Variants in CR1 observed in about 807,000 individuals in gnomAD.
The protein encoded by CR1 is complement C3b/C4b receptor 1 (Knops blood group).
CR1 carries 116 observed loss-of-function variants against 187.3 expected under a neutral mutation model. That is an observed-to-expected ratio of 0.62 (90% CI 0.53 to 0.72). The LOEUF is 0.72. Ranked by LOEUF, CR1 falls within the 30% of genes least tolerant of loss-of-function variation. The pLI is 0.00. For synonymous variants in CR1, 576 were observed against 747.1 expected (o/e 0.77, Z 3.73); for missense variants, 1,731 against 2,110.7 (o/e 0.82, Z 3.52).
chr1:207,619,596 G>A (rs887195543), intron 42 of CR1, among the ~76,000 whole-genome samples: 3 of 152,126 alleles, frequency 2.0e-5, no homozygotes, highest in Non-Finnish European at 2.9e-5. Context: ...CTAGATCACC[G>A]TTAGCCTAAT....
At chr1:207,509,666 T>G (rs565033448) in intron 3 of CR1, among the ~76,000 whole-genome samples, 4 of 152,200 alleles carry the variant, frequency 2.6e-5, no homozygotes, top group Non-Finnish European at 5.9e-5. Context: ...TTGAACTTGC[T>G]TCACCATTCC....
intron 32 of CR1, among the ~76,000 whole-genome samples, chr1:207,582,637 G>T (rs1198883538): frequency 1.3e-5 from 2 of 152,192 alleles, no homozygotes; most frequent in Non-Finnish European, 2.9e-5. Flanking sequence ...GTAGCTGAGG[G>T]TTCAAAATGG....
intron 33 of CR1, 107 bp downstream of exon 33, chr1:207,584,983 C>A: frequency 6.6e-7 from 1 of 1,508,400 alleles, no homozygotes. Context: ...TTAACTTTGT[C>A]ATAAGTGTAA....
In CR1 at chr1:207,505,976, T is replaced by A. The variant is rs1318015787; in HGVS notation, c.194T>A (p.Ile65Asn). Reference sequence around the variant, plus strand: ...CTAACTGATGAATTTGAGTTTCCCATTGGGACATATCTGAACTATGAATGC... The same window carrying A: ...CTAACTGATGAATTTGAGTTTCCCAATGGGACATATCTGAACTATGAATGC... Reference protein sequence around the residue: ...TNLTDEFEFPIGTYLNYECRP... With the variant: ...TNLTDEFEFPNGTYLNYECRP... The change falls in exon 2 of 47, where the codon ATT (isoleucine) becomes AAT (asparagine). Residue 65 changes from isoleucine to asparagine, a missense_variant. Transcript: ENST00000367049. 1 of 1,613,986 alleles carries A rather than the reference T, an allele frequency of 6.2e-7. No individual in the cohort carries two copies. The highest frequency in any genetic ancestry group is 8.5e-7 in the Non-Finnish European group (1 of 1,179,870).
chr1:207,514,521 A>T (rs1372859000), intron 4 of CR1, among the ~76,000 whole-genome samples: 1 of 152,152 alleles, frequency 6.6e-6, no homozygotes, highest in Non-Finnish European at 1.5e-5. Flanking sequence ...TGGCCCTCCC[A>T]CCATGGGAGG....
rs143249640 is a variant in CR1, at chr1:207,629,903, G to A, written c.7353-614G>A. Among the ~76,000 whole-genome samples, 624 of 152,266 alleles carry A rather than the reference G, an allele frequency of 4.1e-3. 5 individuals are homozygous for A. The highest frequency in any genetic ancestry group is 0.014 in the African/African-American group (597 of 41,560). On this transcript the variant is annotated intron_variant, in intron 45 of 46. Transcript: ENST00000367049. ...ATTTCATTTTCCTTGCCTGTGAAAT[G>A]GAGATAATAATAGTTCCTACCTTAC...
At chr1:207,599,929 G>T (rs559983075) in intron 35 of CR1, among the ~76,000 whole-genome samples, 1 of 152,290 alleles carries the variant, frequency 6.6e-6, no homozygotes, top group African/African-American at 2.4e-5. Flanking sequence ...TGCAACTTAA[G>T]CATATAACTA....
At chr1:207,564,837 G>A (rs1264074043) in intron 23 of CR1, among the ~76,000 whole-genome samples, 1 of 150,072 alleles carries the variant, frequency 6.7e-6, no homozygotes, top group Non-Finnish European at 1.5e-5. Flanking sequence ...AAGGGAATAT[G>A]AGTAATTTAG....
chr1:207,618,041 T>C (rs780338387), intron 41 of CR1, 30 bp from the exon 42 acceptor site: 1 of 1,602,870 alleles, frequency 6.2e-7, no homozygotes, highest in Admixed American at 1.7e-5. Flanking sequence ...GAGTGTCTTT[T>C]CTTGTGTTTG....
At chr1:207,624,666 C>G (rs1480489922) in intron 45 of CR1, among the ~76,000 whole-genome samples, 1 of 152,100 alleles carries the variant, frequency 6.6e-6, no homozygotes, top group Non-Finnish European at 1.5e-5. Flanking sequence ...AACTAATGTT[C>G]TCTATATTTT....
At position 207,619,900 on chromosome 1, in the gene CR1, C is replaced by A; in HGVS notation, c.7087C>A (p.Leu2363Met). ...TTCAGAAGTAAATTGTAGCTTCCCA[C>A]TGTTTATGAATGGAATCTCGAAGGA... is the stretch of plus-strand genomic sequence containing the variant. ...YCKEVNCSFP[L>M]FMNGISKELE... is the part of the protein sequence containing the mutation. The change falls in exon 43 of 47, where the codon CTG becomes ATG. Residue 2363 changes from leucine (L) to methionine (M), a missense_variant. Physicochemically the swap from Leu to Met is conservative, Grantham distance 15 (BLOSUM62 2). Around this residue, in one of 5 missense-constraint regions of CR1, gnomAD observed 1,312 missense variants for 1,379.6 expected, o/e 0.95. Transcript: ENST00000367049. 4 of 1,591,108 alleles carry A rather than the reference C, an allele frequency of 2.5e-6. No homozygotes were observed. The Admixed American group carries it at 7.1e-5, about 28-fold the overall frequency.
chr1:207,621,127 T>A (rs1662302937), intron 43 of CR1, among the ~76,000 whole-genome samples: 1 of 151,946 alleles, frequency 6.6e-6, no homozygotes, highest in African/African-American at 2.4e-5. Context: ...ATAAAAAAAT[T>A]AGCTGGTCGT....
chr1:207,505,950 C>T lies in CR1; in HGVS notation c.168C>T (p.Asn56=). 1 of 1,613,978 alleles carries T rather than the reference C, an allele frequency of 6.2e-7. No individual in the cohort carries two copies. Among genetic ancestry groups the T allele is most frequent in the Non-Finnish European group, 8.5e-7 (1 of 1,179,864 alleles). ...GGCTTCCATTTGCCAGGCCTACCAACCTAACTGATGAATTTGAGTTTCCCA... is the reference window on the plus strand; with the variant it reads ...GGCTTCCATTTGCCAGGCCTACCAATCTAACTGATGAATTTGAGTTTCCCA... The part of the protein sequence containing the change: ...PEWLPFARPT[N]LTDEFEFPIG... Residue 56 remains asparagine (N), a synonymous_variant, in exon 2 of 47, where the codon AAC becomes AAT. Transcript: ENST00000367049.
At chr1:207,526,092 C>G (rs1285900733) in intron 5 of CR1, among the ~76,000 whole-genome samples, 1 of 152,094 alleles carries the variant, frequency 6.6e-6, no homozygotes, top group African/African-American at 2.4e-5. Flanking sequence ...AATATACACT[C>G]TCATCATGGT....
rs1267206725 is a variant in CR1 at position 207,617,501 on chromosome 1, A to G, written c.6890-570A>G. ...ACTTAAAGTATATATATATATATATATATATATGTGTGTGTGTGTGTGTGT... is the reference window on the plus strand; with the variant it reads ...ACTTAAAGTATATATATATATATATGTATATATGTGTGTGTGTGTGTGTGT... On this transcript the variant is annotated intron_variant, in intron 41 of 46. Transcript: ENST00000367049. Among the ~76,000 whole-genome samples the G allele has an allele frequency of 1.0e-3, 58 of 56,442 alleles. 3 individuals are homozygous for G. Among genetic ancestry groups the G allele is most frequent in the Non-Finnish European group, 1.7e-3 (46 of 27,004 alleles). The allele number at this position is 56,442 out of a possible 152,430, so 37.0% of individuals were successfully genotyped here. A position where few individuals can be genotyped will look rare whatever the true frequency, so the allele number is the denominator to read the frequency against.
Position 207,620,076 on chromosome 1 carries a change from G to A in CR1, c.7252+11G>A, listed in dbSNP as rs760482543. On this transcript the variant is annotated intron_variant, in intron 43 of 46. Coordinates refer to ENST00000367049, the MANE Select transcript of CR1 (RefSeq NM_000651.6). The stretch of plus-strand genomic sequence containing the variant: ...CCAAATGTACCTCTCGTAAGTGCAA[G>A]TGCAAGGAATGTGGGATCTTCCCGG... The A allele has an allele frequency of 1.9e-6, 3 of 1,602,698 alleles. No homozygotes were observed. Among genetic ancestry groups the A allele is most frequent in the South Asian group, 2.3e-5 (2 of 88,534 alleles).
Position 207,496,471 on chromosome 1 carries a change from C to G in CR1, c.121+83C>G, listed in dbSNP as rs1038085134. 3.1e-5 allele frequency: 41 copies of G among 1,328,478 alleles called. 1 individual carries two copies. Among genetic ancestry groups the G allele is most frequent in the Middle Eastern group, 2.7e-4 (1 of 3,746 alleles). The allele number at this position is 1,328,478 out of a possible 1,614,324, so 82.3% of individuals were successfully genotyped here. On this transcript the variant is annotated intron_variant, in intron 1 of 46. Coordinates refer to ENST00000367049, the MANE Select transcript of CR1 (RefSeq NM_000651.6). ...CAGAGAACTCGCGTGCAGCGCTGAG[C>G]TGCGCTGCTCTGCGCGCCCGGGTCC...
rs769013592 is a variant in CR1, at chr1:207,614,048, T to C, written c.6576-356T>C. ...ATGTCAGAGAGCCATCAGTGAAAGA[T>C]GACACCTGAAGGTTATGGCTCTTGT... On this transcript the variant is annotated intron_variant, in intron 39 of 46. Transcript: ENST00000367049. 3.3e-5 allele frequency among the ~76,000 whole-genome samples: 5 copies of C among 152,206 alleles called. No individual in the cohort carries two copies. The East Asian group carries it at 7.7e-4, about 23-fold the overall frequency.
At chr1:207,597,412 C>T (rs1420078864) in intron 35 of CR1, among the ~76,000 whole-genome samples, 1 of 152,166 alleles carries the variant, frequency 6.6e-6, no homozygotes, top group African/African-American at 2.4e-5. Flanking sequence ...GCACTGAAAA[C>T]TCAGTAACTG....
Sources: allele counts gnomAD v4.1 joint callset (sites outside exome capture counted in the v4.1 genomes callset), GRCh38; gene constraint gnomAD v4.1.1; regional missense constraint gnomAD v4.1.1; transcripts MANE v1.5; gene names NCBI Gene and HGNC (gene_info 2026-07-23, HGNC 2026-07-21).